Variants in XRCC5 observed in about 807,000 individuals in gnomAD.
The protein encoded by XRCC5 is DNA repair protein Ku80.
XRCC5 carries 12 observed loss-of-function variants against 95.7 expected under a neutral mutation model. The ratio of observed to expected loss-of-function variants is 0.13; its 90% CI spans 0.08 to 0.20. XRCC5 has a LOEUF of 0.20. Among genes scored for constraint, XRCC5 ranks in the 10% least tolerant of loss-of-function variants. XRCC5 has a pLI of 1.00. For synonymous variants in XRCC5, 281 were observed against 290.3 expected, an observed-to-expected ratio of 0.97 and a Z score of 0.33; for missense variants, 595 against 873.9, an observed-to-expected ratio of 0.68 and a Z score of 4.02.
intron 16 of XRCC5, chr2:216,175,291 A>G: frequency 2.3e-6 from 1 of 442,186 alleles, no homozygotes; most frequent in Admixed American, 2.6e-5. Flanking sequence ...CTCTACTTCT[A>G]CCACCAGAGC....
chr2:216,162,141 CT>C, intron 16 of XRCC5, 93 bp downstream of exon 16: 2 of 1,246,876 alleles, frequency 1.6e-6, no homozygotes, highest in Non-Finnish European at 2.3e-6. Flanking sequence ...TGTTGTAACA[CT>C]TTAGCATTTT....
At chr2:216,201,199 T>C (rs1689827998) in intron 19 of XRCC5, among the ~76,000 whole-genome samples, 1 of 152,232 alleles carries the variant, frequency 6.6e-6, no homozygotes, top group African/African-American at 2.4e-5. Context: ...TGTTAGTGTT[T>C]ATAGCATCCA....
intron 16 of XRCC5, among the ~76,000 whole-genome samples, chr2:216,187,854 CTCTCT>C (rs1487829826): frequency 4.4e-5 from 6 of 137,446 alleles, no homozygotes; most frequent in South Asian, 2.4e-4. Flanking sequence ...CTCTCTCTCT[CTCTCT>C]CTCCCCGTCT....
intron 19 of XRCC5, among the ~76,000 whole-genome samples, 175 bp downstream of exon 19, chr2:216,195,161 A>G (rs552107186): frequency 5.9e-4 from 90 of 152,286 alleles, no homozygotes; most frequent in Admixed American, 1.5e-3. Context: ...AATCTTACTC[A>G]GTTTCCTGTA....
chr2:216,134,640 G>A (rs1234499912), intron 10 of XRCC5, among the ~76,000 whole-genome samples: 1 of 150,262 alleles, frequency 6.7e-6, no homozygotes, highest in East Asian at 2.0e-4. Flanking sequence ...TGTTGGCTAG[G>A]CTGGTCTTGA....
At chr2:216,203,167 C>G (rs1282558879) in intron 19 of XRCC5, among the ~76,000 whole-genome samples, 2 of 152,092 alleles carry the variant, frequency 1.3e-5, no homozygotes, top group Non-Finnish European at 2.9e-5. Flanking sequence ...CATAAGTGGG[C>G]TGGAAGGCTC....
intron 7 of XRCC5, among the ~76,000 whole-genome samples, chr2:216,126,491 T>C (rs950578340): frequency 6.6e-6 from 1 of 152,192 alleles, no homozygotes; most frequent in African/African-American, 2.4e-5. Flanking sequence ...TACTGTAAAA[T>C]TGCATTTTAT....
At chr2:216,192,552 C>A in intron 17 of XRCC5, 87 bp from the exon 18 acceptor site, 1 of 819,414 alleles carries the variant, frequency 1.2e-6, no homozygotes, top group Non-Finnish European at 1.9e-6. Context: ...TAAGGTGATT[C>A]AGACCAAACT....
chr2:216,193,759 A>G (rs2106049210), intron 18 of XRCC5, among the ~76,000 whole-genome samples: 1 of 152,368 alleles, frequency 6.6e-6, no homozygotes, highest in African/African-American at 2.4e-5. Flanking sequence ...ATATTTTCTG[A>G]TAGCTTATAT....
chr2:216,196,362 A>T (rs7587859), intron 19 of XRCC5, among the ~76,000 whole-genome samples: 1 of 152,152 alleles, frequency 6.6e-6, no homozygotes, highest in African/African-American at 2.4e-5. Context: ...ACTGAGCACC[A>T]TAGGCTTGAG....
Position 216,127,616 on chromosome 2 carries a change from A to C in XRCC5, c.879A>C (p.Thr293=). The C allele has an allele frequency of 6.2e-7, 1 of 1,612,394 alleles. No individual in the cohort carries two copies. Among genetic ancestry groups the C allele is most frequent in the Non-Finnish European group, 8.5e-7 (1 of 1,179,426 alleles). The part of the protein sequence containing the change: ...TLKKEDIQKE[T]VYCLNDDDET... ...AAAAAGAAGATATACAAAAAGAAAC[A>C]GTTTATTGCTTAAATGATGATGATG... Residue 293 remains threonine, a synonymous_variant, in exon 8 of 21, where the codon ACA becomes ACC. Coordinates refer to ENST00000392132, the MANE Select transcript of XRCC5 (RefSeq NM_021141.4).
rs767272627 is a variant in XRCC5, at chr2:216,129,928, G to A, written c.938-947G>A. 5.3e-5 allele frequency among the ~76,000 whole-genome samples: 8 copies of A among 151,938 alleles called. No individual in the cohort carries two copies. In the South Asian group the frequency reaches 1.5e-3, roughly 28 times the overall value. ...CCTGACCTTGTGATCCACCTGCCTC[G>A]GCCTCCCCAAGTGCTAGGATTACAG... On this transcript the variant is annotated intron_variant, in intron 8 of 20. Transcript: ENST00000392132.
chr2:216,111,574 T>C, intron 1 of XRCC5: 1 of 271,746 alleles, frequency 3.7e-6, no homozygotes, highest in South Asian at 2.8e-5. Flanking sequence ...TTCCCTTTAA[T>C]CTTCTCATCT....
chr2:216,159,410 G>A (rs1688905601), intron 14 of XRCC5, among the ~76,000 whole-genome samples: 1 of 152,148 alleles, frequency 6.6e-6, no homozygotes, highest in South Asian at 2.1e-4. Flanking sequence ...CTTTTCCTTA[G>A]CACACAGATG....
At chr2:216,150,621 G>A (rs1688724463) in intron 14 of XRCC5, among the ~76,000 whole-genome samples, 1 of 152,110 alleles carries the variant, frequency 6.6e-6, no homozygotes, top group African/African-American at 2.4e-5. Flanking sequence ...ATATATAAAC[G>A]TATCTAATGA....
chr2:216,190,787 C>T (rs1057150794), intron 17 of XRCC5, among the ~76,000 whole-genome samples: 1 of 152,138 alleles, frequency 6.6e-6, no homozygotes, highest in African/African-American at 2.4e-5. Flanking sequence ...ACAATAAGTT[C>T]CTCCCATGCC....
At chr2:216,160,211 C>A in intron 15 of XRCC5, 50 bp downstream of exon 15, 1 of 1,314,718 alleles carries the variant, frequency 7.6e-7, no homozygotes, top group Non-Finnish European at 1.1e-6. Context: ...AAGGTTGGGG[C>A]TTGAGGGAGA....
In XRCC5 at chr2:216,114,789, T is replaced by C. The variant is rs534998308; in HGVS notation, c.135+1660T>C. On this transcript the variant is annotated intron_variant, in intron 2 of 20. Coordinates refer to ENST00000392132, the MANE Select transcript of XRCC5 (RefSeq NM_021141.4). Reference sequence around the variant, plus strand: ...CATGCGCAGTAAAAGAGCAAGATGGTGAACTTTAACTGGTATAAAAGCTGC... The same window carrying C: ...CATGCGCAGTAAAAGAGCAAGATGGCGAACTTTAACTGGTATAAAAGCTGC... 2.4e-4 allele frequency among the ~76,000 whole-genome samples: 37 copies of C among 152,272 alleles called. 1 individual carries two copies. Among genetic ancestry groups the C allele is most frequent in the South Asian group, 2.1e-3 (10 of 4,818 alleles).
At chr2:216,189,886 T>G (rs893397881) in intron 16 of XRCC5, among the ~76,000 whole-genome samples, 1 of 152,184 alleles carries the variant, frequency 6.6e-6, no homozygotes, top group African/African-American at 2.4e-5. Flanking sequence ...AAATGGCCCC[T>G]AAATTCTGGG....
Sources: gnomAD v4.1 joint callset for allele counts (sites outside exome capture counted in the v4.1 genomes callset) on GRCh38, gnomAD v4.1.1 for gene constraint, MANE v1.5 for transcripts, NCBI Gene and HGNC (gene_info 2026-07-23, HGNC 2026-07-21) for gene names.